The following IQGAP2 variants were observed in gnomAD, a reference collection of about 807,000 sequenced individuals.
IQGAP2 encodes the protein IQ motif containing GTPase activating protein 2.
In IQGAP2, 173 loss-of-function variants were observed where a neutral mutation model predicts 201.3. The observed-to-expected ratio is 0.86, with a 90% CI of 0.76 to 0.98. The LOEUF (loss-of-function observed/expected upper bound fraction) is 0.98. Among genes scored for constraint, IQGAP2 ranks in the 50% least tolerant of loss-of-function variants. IQGAP2 has a pLI of 0.00. For missense variants in IQGAP2, 1,687 were observed against 1,864.8 expected, an observed-to-expected ratio of 0.90 and a Z score of 1.76; for synonymous variants, 675 against 673.9, an observed-to-expected ratio of 1.00 and a Z score of -0.03.
chr5:76,487,006 T>G (rs1429946879), intron 2 of IQGAP2, among the ~76,000 whole-genome samples: 1 of 152,182 alleles, frequency 6.6e-6, no homozygotes, highest in African/African-American at 2.4e-5. Flanking sequence ...CAAACACTGT[T>G]TTAAGCACAA....
chr5:76,577,967 G>T lies in IQGAP2; in HGVS notation c.458+2198G>T, dbSNP rs187646257. The stretch of plus-strand genomic sequence containing the variant: ...CCCTAGGAAGTTAAGCTTGCCAGGC[G>T]CTGCCTTCTTCCTGCCCCAGCCTGT... On this transcript the variant is annotated intron_variant, in intron 5 of 35. Coordinates refer to ENST00000274364, the MANE Select transcript of IQGAP2 (RefSeq NM_006633.5). Among the ~76,000 whole-genome samples the T allele has an allele frequency of 1.3e-3, 199 of 152,272 alleles. 1 individual carries two copies. The highest frequency in any genetic ancestry group is 3.6e-3 in the African/African-American group (150 of 41,564).
intron 2 of IQGAP2, among the ~76,000 whole-genome samples, chr5:76,478,838 A>G (rs1755601180): frequency 1.3e-5 from 2 of 152,300 alleles, no homozygotes; most frequent in Non-Finnish European, 1.5e-5. Context: ...CATTTCCCTC[A>G]TTAAGTGATA....
At position 76,514,213 on chromosome 5, in the gene IQGAP2, G is replaced by A. The variant is rs1379824266; in HGVS notation, c.147-48183G>A. On this transcript the variant is annotated intron_variant, in intron 2 of 35. Transcript: ENST00000274364. ...TAATTTTTGTATTTTTAATACAGAC[G>A]GGGTTTCACCATGTTGGCCTGGCTG... Among the ~76,000 whole-genome samples, 3 of 151,590 alleles carry A rather than the reference G, an allele frequency of 2.0e-5. No individual in the cohort carries two copies. The East Asian group carries it at 5.8e-4, about 29-fold the overall frequency.
chr5:76,568,487 C>G lies in IQGAP2; in HGVS notation c.304-2093C>G, dbSNP rs145063272. 4.5e-3 allele frequency among the ~76,000 whole-genome samples: 691 copies of G among 152,294 alleles called. 6 individuals carry two copies. Among genetic ancestry groups the G allele is most frequent in the South Asian group, 8.1e-3 (39 of 4,828 alleles). ...AACCAAGGTTCAGAGAGATTTCTAT[C>G]TTTCCTGAGATTACTTTGCTAACAA... is the stretch of plus-strand genomic sequence containing the variant. On this transcript the variant is annotated intron_variant, in intron 3 of 35. Transcript: ENST00000274364.
rs1216481282 is a variant in IQGAP2, at chr5:76,677,200, T to A, written c.3528-18T>A. On this transcript the variant is annotated intron_variant, in intron 27 of 35. Transcript: ENST00000274364. ...CACATGTTTGAGTCTGTCTTAAGAC[T>A]TTTCCCCCCTTTATTAGGAAATATT... 1.9e-6 allele frequency: 3 copies of A among 1,609,216 alleles called. No individual in the cohort carries two copies. The highest frequency in any genetic ancestry group is 1.1e-5 in the South Asian group (1 of 90,414).
chr5:76,664,709 A>G (rs938005604), intron 21 of IQGAP2, among the ~76,000 whole-genome samples: 1 of 152,120 alleles, frequency 6.6e-6, no homozygotes, highest in East Asian at 1.9e-4. Context: ...CACTGATAAC[A>G]GCGCCCCGTA....
At chr5:76,677,134 C>A in intron 27 of IQGAP2, 84 bp from the exon 28 acceptor site, 1 of 1,322,264 alleles carries the variant, frequency 7.6e-7, no homozygotes, top group South Asian at 1.4e-5. Context: ...TACATGTCAT[C>A]ATTCAAAATT....
In IQGAP2 at chr5:76,671,916, A is replaced by G; in HGVS notation, c.3001A>G (p.Asn1001Asp). The G allele has an allele frequency of 6.2e-7, 1 of 1,614,164 alleles. No individual in the cohort carries two copies. The highest frequency in any genetic ancestry group is 8.5e-7 in the Non-Finnish European group (1 of 1,180,010). ...EIIDDKSLII[N>D]TNPVEVYKAW... ...CATCGACGACAAGTCGCTGATTATC[A>G]ACACAAACCCTGTAGAGGTGTACAA... The change falls in exon 24 of 36, where the codon AAC becomes GAC. Residue 1001 changes from asparagine to aspartate, a missense_variant. By Grantham distance (23) the Asn-to-Asp change is conservative. Transcript: ENST00000274364.
chr5:76,685,665 C>G (rs1359445864), intron 30 of IQGAP2, among the ~76,000 whole-genome samples: 1 of 150,868 alleles, frequency 6.6e-6, no homozygotes, highest in Non-Finnish European at 1.5e-5. Flanking sequence ...TACCCATTAC[C>G]CAGCCTCTGC....
At chr5:76,439,605 CT>C (rs1264965419) in intron 1 of IQGAP2, among the ~76,000 whole-genome samples, 3 of 150,928 alleles carry the variant, frequency 2.0e-5, no homozygotes, top group Admixed American at 1.3e-4. Context: ...CCTTCTTTGT[CT>C]TTTTTTTTCT....
chr5:76,701,305 C>A, intron 34 of IQGAP2, 92 bp downstream of exon 34: 1 of 1,172,820 alleles, frequency 8.5e-7, no homozygotes, highest in Non-Finnish European at 1.2e-6. Context: ...CAAGGCTTAA[C>A]CTCAATTACT....
chr5:76,425,413 C>T (rs149786341), intron 1 of IQGAP2, among the ~76,000 whole-genome samples: 6 of 152,202 alleles, frequency 3.9e-5, no homozygotes, highest in East Asian at 1.9e-4. Flanking sequence ...TGCAGAACCA[C>T]GGACACAACT....
chr5:76,499,410 A>G (rs1757155875), intron 2 of IQGAP2, among the ~76,000 whole-genome samples: 1 of 152,208 alleles, frequency 6.6e-6, no homozygotes, highest in African/African-American at 2.4e-5. Context: ...CTTCTTGTCC[A>G]AATCTCCTTT....
At chr5:76,646,202 G>T (rs1580711182) in intron 17 of IQGAP2, among the ~76,000 whole-genome samples, 1 of 152,282 alleles carries the variant, frequency 6.6e-6, no homozygotes, top group Admixed American at 6.5e-5. Flanking sequence ...CACGATTAGG[G>T]TCCACTTCCC....
In IQGAP2 at chr5:76,625,789, G is replaced by A. The variant is rs550444038; in HGVS notation, c.1522-1621G>A. On this transcript the variant is annotated intron_variant, in intron 13 of 35. Transcript: ENST00000274364. ...CCATCCATCTTAAGTTTTAAATGAC[G>A]GAGTCGGTGCCAGATCCATTACCTT... is the stretch of plus-strand genomic sequence containing the variant. Among the ~76,000 whole-genome samples, 5 of 152,260 alleles carry A rather than the reference G, an allele frequency of 3.3e-5. 1 individual carries two copies. In the South Asian group the frequency reaches 6.2e-4, roughly 19 times the overall value.
chr5:76,500,934 C>T (rs1034828133), intron 2 of IQGAP2, among the ~76,000 whole-genome samples: 2 of 152,114 alleles, frequency 1.3e-5, no homozygotes, highest in Non-Finnish European at 2.9e-5. Context: ...GCCTTGATGA[C>T]AGAGTATGCC....
intron 2 of IQGAP2, among the ~76,000 whole-genome samples, chr5:76,501,128 C>T (rs1006450851): frequency 2.0e-5 from 3 of 151,188 alleles, no homozygotes; most frequent in African/African-American, 7.4e-5. Context: ...AAACACAGTC[C>T]GAAACTACAT....
Position 76,673,458 on chromosome 5 carries a change from T to G in IQGAP2, c.3078T>G (p.Pro1026=). 1 of 1,613,526 alleles carries G rather than the reference T, an allele frequency of 6.2e-7. No homozygotes were observed. Residue 1026 remains proline (P), a synonymous_variant, in exon 25 of 36, where the codon CCT becomes CCG. Transcript: ENST00000274364. The stretch of plus-strand genomic sequence containing the variant: ...GCCTTTGTGTTTTCAGCAAGTTGCC[T>G]TATGATGTGACCACAGAACAAGCTC... ...ETQTGEASKL[P]YDVTTEQALT...
chr5:76,414,706 G>A (rs776049982), intron 1 of IQGAP2, among the ~76,000 whole-genome samples: 55 of 152,234 alleles, frequency 3.6e-4, no homozygotes, highest in Admixed American at 1.2e-3. Flanking sequence ...TCCTCCATGA[G>A]AACCAGGGTC....
Sources: allele counts gnomAD v4.1 joint callset (sites outside exome capture counted in the v4.1 genomes callset), GRCh38; gene constraint gnomAD v4.1.1; transcripts MANE v1.5; gene names NCBI Gene and HGNC (gene_info 2026-07-23, HGNC 2026-07-21).